Variants in NUBPL observed in about 807,000 individuals in gnomAD.
NUBPL encodes iron-sulfur cluster transfer protein NUBPL.
A neutral mutation model predicts 45.7 loss-of-function variants in NUBPL; 31 were observed. The ratio of observed to expected loss-of-function variants is 0.68; its 90% CI spans 0.51 to 0.92. The LOEUF is 0.92. Ranked by LOEUF, NUBPL falls within the 40% of genes least tolerant of loss-of-function variation. The pLI is 0.00. For synonymous variants in NUBPL, 144 were observed against 140.9 expected (o/e 1.02, Z -0.15); for missense variants, 401 against 398.7 (o/e 1.01, Z -0.05).
intron 6 of NUBPL, among the ~76,000 whole-genome samples, chr14:31,782,463 T>C (rs1263572346): frequency 6.6e-6 from 1 of 151,972 alleles, no homozygotes; most frequent in East Asian, 1.9e-4. Context: ...AAATTAGAAT[T>C]TTTAACTCTT....
At chr14:31,841,320 C>T (rs766376659) in intron 8 of NUBPL, among the ~76,000 whole-genome samples, 1 of 152,172 alleles carries the variant, frequency 6.6e-6, no homozygotes, top group Non-Finnish European at 1.5e-5. Context: ...ATGAATCTTA[C>T]TTGTTTCACA....
intron 4 of NUBPL, among the ~76,000 whole-genome samples, chr14:31,667,309 T>C (rs1218013003): frequency 6.6e-6 from 1 of 152,006 alleles, no homozygotes; most frequent in Non-Finnish European, 1.5e-5. Context: ...TGATCTTCAA[T>C]CTCTGATATC....
intron 7 of NUBPL, among the ~76,000 whole-genome samples, chr14:31,816,768 T>G (rs1025155321): frequency 6.6e-6 from 1 of 152,180 alleles, no homozygotes; most frequent in African/African-American, 2.4e-5. Flanking sequence ...TCTTTATTTC[T>G]GCCTTAATTT....
rs1380978670 is a variant in NUBPL at position 31,562,163 on chromosome 14, AGT to A, written c.205_206del (p.Val69TyrfsTer80). 4.3e-6 allele frequency: 7 copies of A among 1,614,126 alleles called. No individual in the cohort carries two copies. On this transcript the variant is annotated frameshift_variant, in exon 2 of 11. Transcript: ENST00000281081. LOFTEE classifies it high-confidence loss of function. The part of the protein sequence containing the change: ...KQKPIEGVKQ[V>X]IVVASGKGGV... ...AGAAACCGATAGAAGGTGTTAAACA[AGT>A]TATAGTTGTGGCTTCTGGAAAGGGT...
At chr14:31,563,817 A>C (rs1268226081) in intron 2 of NUBPL, among the ~76,000 whole-genome samples, 1 of 152,230 alleles carries the variant, frequency 6.6e-6, no homozygotes, top group African/African-American at 2.4e-5. Context: ...TGTGTAACCT[A>C]TCTTGTACCT....
intron 8 of NUBPL, among the ~76,000 whole-genome samples, chr14:31,831,517 C>CCATACCATACCATAA (rs56199344): frequency 6.7e-6 from 1 of 148,250 alleles, no homozygotes; most frequent in Admixed American, 6.6e-5. Context: ...CCATACCATA[C>CCATACCATACCATAA]TATACTCATA....
chr14:31,705,540 G>T (rs1385281102), intron 6 of NUBPL, among the ~76,000 whole-genome samples: 2 of 152,092 alleles, frequency 1.3e-5, no homozygotes, highest in African/African-American at 4.8e-5. Context: ...GTGCTGATTG[G>T]TGCATTTACA....
chr14:31,771,792 T>C (rs943111252), intron 6 of NUBPL: 1 of 777,314 alleles, frequency 1.3e-6, no homozygotes, highest in East Asian at 1.3e-4. Context: ...CTTTACCTAT[T>C]ACCCCACTTC....
At chr14:31,565,581 C>T (rs1179679678) in intron 3 of NUBPL, among the ~76,000 whole-genome samples, 1 of 152,076 alleles carries the variant, frequency 6.6e-6, no homozygotes, top group African/African-American at 2.4e-5. Context: ...ATACATCTTT[C>T]CATGATGTGC....
intron 7 of NUBPL, among the ~76,000 whole-genome samples, chr14:31,815,782 A>T (rs922708357): frequency 1.4e-5 from 2 of 141,120 alleles, no homozygotes; most frequent in Middle Eastern, 6.8e-3. Context: ...TTTTGCATCT[A>T]TTGAGATAAT....
chr14:31,600,460 A>G (rs917877770), intron 4 of NUBPL, among the ~76,000 whole-genome samples: 4 of 152,194 alleles, frequency 2.6e-5, no homozygotes, highest in Admixed American at 1.3e-4. Flanking sequence ...ATGTGGAAGG[A>G]AACTAGAGTA....
intron 4 of NUBPL, among the ~76,000 whole-genome samples, chr14:31,635,451 C>G (rs1311627912): frequency 6.6e-5 from 10 of 152,004 alleles, no homozygotes; most frequent in Non-Finnish European, 1.2e-4. Flanking sequence ...TGGTCTATAT[C>G]TCTGTTTTGG....
At chr14:31,681,404 A>G (rs960568490) in intron 6 of NUBPL, among the ~76,000 whole-genome samples, 2 of 151,354 alleles carry the variant, frequency 1.3e-5, no homozygotes, top group Non-Finnish European at 3.0e-5. Context: ...CCTTATTTCT[A>G]ATGTTAGTAA....
At chr14:31,833,093 C>T (rs2040218947) in intron 8 of NUBPL, among the ~76,000 whole-genome samples, 4 of 151,986 alleles carry the variant, frequency 2.6e-5, no homozygotes, top group Admixed American at 2.0e-4. Flanking sequence ...TGGGGCTGGG[C>T]GTGGTGGCTC....
intron 6 of NUBPL, among the ~76,000 whole-genome samples, chr14:31,691,125 TCATGGG>T (rs1202654825): frequency 1.3e-5 from 2 of 152,162 alleles, no homozygotes; most frequent in Non-Finnish European, 2.9e-5. Context: ...TAAGTACTTC[TCATGGG>T]AAGAGCCAAA....
At position 31,667,266 on chromosome 14, in the gene NUBPL, G is replaced by A. The variant is rs371859667; in HGVS notation, c.383-6089G>A. Among the ~76,000 whole-genome samples the A allele has an allele frequency of 4.6e-5, 7 of 151,836 alleles. No individual in the cohort carries two copies. The South Asian group carries it at 1.5e-3, about 32-fold the overall frequency. Reference sequence around the variant, plus strand: ...TCCTTTCCTTATCATTCTTTTTTCTGTAATCTTGTCTTCAAGCTTTATTTC... The same window carrying A: ...TCCTTTCCTTATCATTCTTTTTTCTATAATCTTGTCTTCAAGCTTTATTTC... On this transcript the variant is annotated intron_variant, in intron 4 of 10. Coordinates refer to ENST00000281081, the MANE Select transcript of NUBPL (RefSeq NM_025152.3).
chr14:31,834,730 C>A (rs931840334), intron 8 of NUBPL, among the ~76,000 whole-genome samples: 4 of 152,218 alleles, frequency 2.6e-5, no homozygotes, highest in African/African-American at 7.2e-5. Context: ...TCACAACAAC[C>A]CTGTGAAATA....
At chr14:31,760,794 A>G (rs924134079) in intron 6 of NUBPL, among the ~76,000 whole-genome samples, 6 of 151,902 alleles carry the variant, frequency 3.9e-5, no homozygotes, top group Admixed American at 6.6e-5. Context: ...AGTATTGCCT[A>G]TTTACCAGAT....
At chr14:31,651,613 G>A (rs373924200) in intron 4 of NUBPL, among the ~76,000 whole-genome samples, 18 of 152,148 alleles carry the variant, frequency 1.2e-4, no homozygotes, top group African/African-American at 4.1e-4. Flanking sequence ...ATTGAAAAAT[G>A]TGTGGCCGGG....
Sources: allele counts gnomAD v4.1 joint callset (sites outside exome capture counted in the v4.1 genomes callset), GRCh38; gene constraint gnomAD v4.1.1; transcripts MANE v1.5; gene names NCBI Gene and HGNC (gene_info 2026-07-23, HGNC 2026-07-21).